The following BTBD16 variants were observed in gnomAD, a reference collection of about 807,000 sequenced individuals.
BTBD16 encodes the protein BTB domain containing 16, also known as BTB/POZ domain-containing protein 16.
A neutral mutation model predicts 67.4 loss-of-function variants in BTBD16; 66 were observed. The ratio of observed to expected loss-of-function variants is 0.98; its 90% CI spans 0.80 to 1.20. The LOEUF (loss-of-function observed/expected upper bound fraction) is 1.20. Ranked by LOEUF, BTBD16 falls within the 50% of genes most tolerant of loss-of-function variation. The pLI, the probability that BTBD16 is intolerant of heterozygous loss-of-function variation, is 0.00. For synonymous variants in BTBD16, 242 were observed against 236.4 expected (o/e 1.02, Z -0.22); for missense variants, 634 against 616.0 (o/e 1.03, Z -0.31).
intron 7 of BTBD16, among the ~76,000 whole-genome samples, chr10:122,296,414 C>G (rs2096383250): frequency 6.6e-6 from 1 of 152,104 alleles, no homozygotes; most frequent in Non-Finnish European, 1.5e-5. Flanking sequence ...AGAATAAGTG[C>G]AAGAGGTACT....
At chr10:122,294,999 C>T (rs112506784) in intron 7 of BTBD16, among the ~76,000 whole-genome samples, 4 of 152,246 alleles carry the variant, frequency 2.6e-5, no homozygotes, top group Admixed American at 2.0e-4. Context: ...ACAGCTTGGG[C>T]TTCACCCTCT....
At chr10:122,303,364 G>A (rs970876228) in intron 9 of BTBD16, among the ~76,000 whole-genome samples, 5 of 152,174 alleles carry the variant, frequency 3.3e-5, no homozygotes, top group East Asian at 1.9e-4. Flanking sequence ...TGATTGTAAC[G>A]TTCTGCAACT....
intron 10 of BTBD16, among the ~76,000 whole-genome samples, chr10:122,311,556 C>T (rs2096413745): frequency 6.6e-6 from 1 of 152,222 alleles, no homozygotes; most frequent in Non-Finnish European, 1.5e-5. Context: ...TTTCATTCCA[C>T]TTGGTAGTCT....
At chr10:122,318,949 T>G (rs1158668540) in intron 10 of BTBD16, among the ~76,000 whole-genome samples, 3 of 152,224 alleles carry the variant, frequency 2.0e-5, no homozygotes, top group African/African-American at 7.2e-5. Flanking sequence ...GGTATCTCAT[T>G]GTGATTTTAA....
At chr10:122,300,358 A>G (rs779361590) in intron 9 of BTBD16, among the ~76,000 whole-genome samples, 7 of 152,160 alleles carry the variant, frequency 4.6e-5, no homozygotes, top group Non-Finnish European at 8.8e-5. Context: ...GAATATTTGC[A>G]TAGAATATAT....
At chr10:122,273,245 T>TATATATATATATATATAC (rs1249462780) in intron 1 of BTBD16, among the ~76,000 whole-genome samples, 20 of 139,468 alleles carry the variant, frequency 1.4e-4, no homozygotes, top group East Asian at 4.5e-4. Context: ...TATATATATA[T>TATATATATATATATATAC]ACACACATAC....
chr10:122,273,725 G>T (rs777158443), intron 1 of BTBD16, among the ~76,000 whole-genome samples: 1 of 152,154 alleles, frequency 6.6e-6, no homozygotes, highest in Non-Finnish European at 1.5e-5. Flanking sequence ...TCCAGCCTGG[G>T]CAACAGAGCA....
chr10:122,276,991 G>A lies in BTBD16; in HGVS notation c.167+52G>A, dbSNP rs761435456. The A allele has an allele frequency of 7.6e-6, 12 of 1,584,548 alleles. No individual in the cohort carries two copies. The South Asian group carries it at 1.4e-4, about 18-fold the overall frequency. On this transcript the variant is annotated intron_variant, in intron 3 of 15. Coordinates refer to ENST00000260723, the MANE Select transcript of BTBD16 (RefSeq NM_144587.5). Reference sequence around the variant, plus strand: ...GGGAATGGCCCATTATTCCTGGGAGGGGAGGTGCCTGATGACCGGGCCACT... The same window carrying A: ...GGGAATGGCCCATTATTCCTGGGAGAGGAGGTGCCTGATGACCGGGCCACT...
In BTBD16 at chr10:122,329,559, G is replaced by T; in HGVS notation, c.991G>T (p.Gly331Cys). ...GCTCTTCCTCTGCTTGCGTCTGCAC[G>T]GCATCACCAAAGGTAAGCCCCAGTC... ...RPLFLCLRLH[G>C]ITKGKDLEVL... is the part of the protein sequence containing the mutation. Residue 331 changes from glycine (G) to cysteine (C), a missense_variant, in exon 11 of 16, where the codon GGC (glycine) becomes TGC (cysteine). Physicochemically the swap from Gly to Cys is radical, Grantham distance 159. Transcript: ENST00000260723. 6.2e-7 allele frequency: 1 copy of T among 1,613,748 alleles called. No individual in the cohort carries two copies. Among genetic ancestry groups the T allele is most frequent in the Non-Finnish European group, 8.5e-7 (1 of 1,180,016 alleles).
At chr10:122,325,449 C>T (rs1381857538) in intron 10 of BTBD16, among the ~76,000 whole-genome samples, 1 of 152,090 alleles carries the variant, frequency 6.6e-6, no homozygotes, top group Non-Finnish European at 1.5e-5. Context: ...GGGCAAGCAC[C>T]CTAAGCACCG....
chr10:122,273,638 C>A (rs919213724), intron 1 of BTBD16, among the ~76,000 whole-genome samples: 1 of 152,214 alleles, frequency 6.6e-6, no homozygotes, highest in East Asian at 1.9e-4. Context: ...GTCCCAGCTA[C>A]TGGGGAGGCT....
At chr10:122,294,233 T>A (rs1330104287) in intron 7 of BTBD16, 3 of 985,042 alleles carry the variant, frequency 3.0e-6, no homozygotes, top group Non-Finnish European at 2.4e-6. Context: ...GATACATGTG[T>A]GTTTGTGTGT....
At chr10:122,297,701 C>T in intron 7 of BTBD16, 67 bp from the exon 8 acceptor site, 2 of 1,555,770 alleles carry the variant, frequency 1.3e-6, no homozygotes, top group East Asian at 4.5e-5. Flanking sequence ...ATGAGAATCT[C>T]TGGGACTTTC....
At chr10:122,302,522 G>A (rs768408706) in intron 9 of BTBD16, among the ~76,000 whole-genome samples, 2 of 152,258 alleles carry the variant, frequency 1.3e-5, no homozygotes, top group South Asian at 2.1e-4. Context: ...CTGACTTCCC[G>A]CCTATAACCC....
chr10:122,303,029 T>TA (rs1166367981), intron 9 of BTBD16, among the ~76,000 whole-genome samples: 2 of 152,126 alleles, frequency 1.3e-5, no homozygotes. Context: ...TTTTTACTGT[T>TA]AAAAAAAGTA....
intron 3 of BTBD16, among the ~76,000 whole-genome samples, chr10:122,283,542 A>T (rs1357124690): frequency 6.6e-6 from 1 of 152,202 alleles, no homozygotes; most frequent in Non-Finnish European, 1.5e-5. Context: ...AGTGTCTACT[A>T]TATGCTAGAT....
intron 3 of BTBD16, among the ~76,000 whole-genome samples, chr10:122,283,619 A>G (rs1452331248): frequency 6.6e-6 from 1 of 152,196 alleles, no homozygotes; most frequent in Non-Finnish European, 1.5e-5. Flanking sequence ...TCTCCTCGGT[A>G]AGGCCTACCC....
intron 3 of BTBD16, among the ~76,000 whole-genome samples, chr10:122,279,507 G>A (rs1451812668): frequency 8.2e-5 from 2 of 24,368 alleles, no homozygotes; most frequent in African/African-American, 2.1e-4. Context: ...GACAGAGAAA[G>A]AGAAACACAC....
chr10:122,315,459 A>C (rs963215790), intron 10 of BTBD16, among the ~76,000 whole-genome samples: 5 of 152,170 alleles, frequency 3.3e-5, no homozygotes, highest in Admixed American at 2.0e-4. Flanking sequence ...ATTAGCTTGA[A>C]ATTTTCCTTT....
Sources: allele counts gnomAD v4.1 joint callset (sites outside exome capture counted in the v4.1 genomes callset), GRCh38; gene constraint gnomAD v4.1.1; transcripts MANE v1.5; gene names NCBI Gene and HGNC (gene_info 2026-07-23, HGNC 2026-07-21).